CACNB2: variants seen among roughly 807,000 people sequenced by gnomAD.
CACNB2 encodes the protein calcium voltage-gated channel auxiliary subunit beta 2, also known as voltage-dependent L-type calcium channel subunit beta-2.
A neutral mutation model predicts 73.3 loss-of-function variants in CACNB2; 42 were observed. The ratio of observed to expected loss-of-function variants is 0.57; its 90% CI spans 0.45 to 0.74. CACNB2 has a LOEUF of 0.74. Among genes scored for constraint, CACNB2 ranks in the 30% least tolerant of loss-of-function variants. CACNB2 has a pLI of 0.00. For synonymous variants in CACNB2, 348 were observed against 310.3 expected (o/e 1.12, Z -1.28); for missense variants, 940 against 853.0 (o/e 1.10, Z -1.27).
intron 2 of CACNB2, among the ~76,000 whole-genome samples, chr10:18,391,312 T>C (rs1015994532): frequency 1.3e-5 from 2 of 152,216 alleles, no homozygotes; most frequent in Non-Finnish European, 2.9e-5. Flanking sequence ...TGTTTTTTAA[T>C]TAAGAAAGAG....
chr10:18,419,196 T>G lies in CACNB2; in HGVS notation c.333+17153T>G, dbSNP rs1340470144. Among the ~76,000 whole-genome samples, 5 of 152,248 alleles carry G rather than the reference T, an allele frequency of 3.3e-5. No homozygotes were observed. The East Asian group carries it at 9.6e-4, about 29-fold the overall frequency. On this transcript the variant is annotated intron_variant, in intron 3 of 13. Coordinates refer to ENST00000324631, the MANE Select transcript of CACNB2 (RefSeq NM_201596.3). ...CTACTTGCTTCTCCTCTGAGCGTAC[T>G]GTGACTTGCTTAATTCTATGAGTTT...
chr10:18,513,535 A>G, intron 6 of CACNB2: 1 of 399,234 alleles, frequency 2.5e-6, no homozygotes, highest in Non-Finnish European at 5.0e-6. Flanking sequence ...CTGTACGTTC[A>G]TTAGCAGTTC....
Position 18,140,689 on chromosome 10 carries a change from A to G in CACNB2, c.-48A>G. ...GGGAGGCGGGGGCGAGGAGGAGGGG[A>G]CCCGCCGCCGGGGGCTGGCTGCTTC... On this transcript the variant is annotated 5_prime_UTR_variant, in exon 1 of 14. Coordinates refer to ENST00000324631, the MANE Select transcript of CACNB2 (RefSeq NM_201596.3). 1 of 1,528,522 alleles carries G rather than the reference A, an allele frequency of 6.5e-7. No individual in the cohort carries two copies. Among genetic ancestry groups the G allele is most frequent in the South Asian group, 1.2e-5 (1 of 84,990 alleles). 94.7% of individuals were successfully genotyped at this position (1,528,522 alleles called of 1,614,324 possible).
At chr10:18,246,129 A>G (rs977274701) in intron 2 of CACNB2, among the ~76,000 whole-genome samples, 16 of 152,266 alleles carry the variant, frequency 1.1e-4, no homozygotes, top group African/African-American at 3.6e-4. Flanking sequence ...AAACACACCA[A>G]TTCTCTATTC....
chr10:18,446,015 C>G (rs1277542953), intron 3 of CACNB2, among the ~76,000 whole-genome samples: 1 of 152,092 alleles, frequency 6.6e-6, no homozygotes, highest in Non-Finnish European at 1.5e-5. Flanking sequence ...GCCTGGGTGA[C>G]CAGAGTGAAG....
chr10:18,176,348 C>T (rs1242036992), intron 2 of CACNB2, among the ~76,000 whole-genome samples: 2 of 152,010 alleles, frequency 1.3e-5, no homozygotes, highest in Non-Finnish European at 2.9e-5. Flanking sequence ...AAAATGTGCA[C>T]ATGATGTATT....
At chr10:18,336,021 G>C (rs1353763715) in intron 2 of CACNB2, among the ~76,000 whole-genome samples, 1 of 152,080 alleles carries the variant, frequency 6.6e-6, no homozygotes, top group Non-Finnish European at 1.5e-5. Flanking sequence ...AAAGTGGGCT[G>C]GGTTTGGAAA....
chr10:18,245,243 T>C (rs1215150860), intron 2 of CACNB2, among the ~76,000 whole-genome samples: 1 of 152,196 alleles, frequency 6.6e-6, no homozygotes, highest in Non-Finnish European at 1.5e-5. Context: ...ATGTCTTCTA[T>C]GTGTCTTTTT....
chr10:18,383,689 TAC>T (rs2043108682), intron 2 of CACNB2, among the ~76,000 whole-genome samples: 1 of 151,412 alleles, frequency 6.6e-6, no homozygotes, highest in African/African-American at 2.4e-5. Context: ...AGAAGAGGAA[TAC>T]AGAGTAGCGA....
intron 8 of CACNB2, 139 bp downstream of exon 8, chr10:18,518,555 G>A (rs1411264251): frequency 4.0e-6 from 3 of 743,422 alleles, no homozygotes; most frequent in Non-Finnish European, 7.3e-6. Flanking sequence ...CAGCAGCAAA[G>A]CCTGTTGTTC....
rs138364200 is a variant in CACNB2, at chr10:18,288,429, A to G, written c.214-113495A>G. Reference sequence around the variant, plus strand: ...AGAACTCTGAAATGTGAAAAGTACAAATAAGTAATCTCTTGCATTCCTATT... The same window carrying G: ...AGAACTCTGAAATGTGAAAAGTACAGATAAGTAATCTCTTGCATTCCTATT... On this transcript the variant is annotated intron_variant, in intron 2 of 13. Coordinates refer to ENST00000324631, the MANE Select transcript of CACNB2 (RefSeq NM_201596.3). Among the ~76,000 whole-genome samples the G allele has an allele frequency of 3.0e-3, 451 of 152,316 alleles. 2 individuals are homozygous for G. Among genetic ancestry groups the G allele is most frequent in the African/African-American group, 0.01 (431 of 41,564 alleles).
intron 2 of CACNB2, among the ~76,000 whole-genome samples, chr10:18,324,421 G>A (rs946741061): frequency 1.3e-5 from 2 of 152,196 alleles, no homozygotes; most frequent in Non-Finnish European, 1.5e-5. Flanking sequence ...CTTGCCAGTC[G>A]CAAATACTTA....
chr10:18,475,994 G>C (rs964764528), intron 3 of CACNB2, among the ~76,000 whole-genome samples: 6 of 152,164 alleles, frequency 3.9e-5, no homozygotes, highest in African/African-American at 1.4e-4. Context: ...GTTAAAAAAA[G>C]AAAAAAGAAT....
intron 10 of CACNB2, among the ~76,000 whole-genome samples, chr10:18,528,747 G>A (rs141960838): frequency 6.6e-6 from 1 of 152,286 alleles, no homozygotes; most frequent in African/African-American, 2.4e-5. Flanking sequence ...ATGTAATCAT[G>A]TGTTTTGCTT....
chr10:18,162,577 A>G (rs1289521874), intron 2 of CACNB2, among the ~76,000 whole-genome samples: 2 of 152,208 alleles, frequency 1.3e-5, no homozygotes, highest in Non-Finnish European at 1.5e-5. Flanking sequence ...TTTCTCTGTC[A>G]ATTAGATTAT....
intron 2 of CACNB2, among the ~76,000 whole-genome samples, chr10:18,156,532 G>T (rs1482333813): frequency 6.6e-6 from 1 of 152,216 alleles, no homozygotes; most frequent in Non-Finnish European, 1.5e-5. Context: ...ACAGGAAGGG[G>T]TCTGTCCATA....
intron 2 of CACNB2, among the ~76,000 whole-genome samples, chr10:18,235,786 CGGAGGTATGGTTT>C (rs1249871048): frequency 6.6e-6 from 1 of 151,874 alleles, no homozygotes; most frequent in Non-Finnish European, 1.5e-5. Context: ...ACAGCAGCCA[CGGAGGTATGGTTT>C]GGATTTGTGT....
intron 2 of CACNB2, among the ~76,000 whole-genome samples, chr10:18,195,009 A>G (rs61844178): frequency 4.6e-5 from 7 of 152,186 alleles, no homozygotes; most frequent in Non-Finnish European, 8.8e-5. Flanking sequence ...TAGGATGTGT[A>G]TGGTCTCAAA....
chr10:18,286,466 C>A (rs544552408), intron 2 of CACNB2, among the ~76,000 whole-genome samples: 1 of 133,678 alleles, frequency 7.5e-6, no homozygotes, highest in South Asian at 2.4e-4. Flanking sequence ...TGCAGCAAGC[C>A]GAGATAGCGC....
Sources: gnomAD v4.1 joint callset for allele counts (sites outside exome capture counted in the v4.1 genomes callset) on GRCh38, gnomAD v4.1.1 for gene constraint, MANE v1.5 for transcripts, NCBI Gene and HGNC (gene_info 2026-07-23, HGNC 2026-07-21) for gene names.